The following UTRN variants were observed in gnomAD, a reference collection of about 807,000 sequenced individuals.
UTRN encodes utrophin, also known as dystrophin-related protein 1.
UTRN carries 283 observed loss-of-function variants against 463.9 expected under a neutral mutation model. The observed-to-expected ratio is 0.61, with a 90% CI of 0.55 to 0.67. The LOEUF (loss-of-function observed/expected upper bound fraction) is 0.67. UTRN is among the 30% of genes least tolerant of loss of function. The probability of loss-of-function intolerance (pLI) is 0.00; values close to 1 mark genes in which losing one functional copy is unlikely to be tolerated. For synonymous variants in UTRN, 1,442 were observed against 1,431.5 expected (o/e 1.01, Z -0.17); for missense variants, 3,922 against 4,084.3 (o/e 0.96, Z 1.08).
At chr6:144,633,786 A>G (rs559427995) in intron 51 of UTRN, among the ~76,000 whole-genome samples, 40 of 152,326 alleles carry the variant, frequency 2.6e-4, no homozygotes, top group African/African-American at 9.1e-4. Context: ...TCCCTTCGGT[A>G]TGATAAATTC....
intron 3 of UTRN, among the ~76,000 whole-genome samples, chr6:144,414,956 C>T (rs924001455): frequency 4.2e-4 from 64 of 152,288 alleles, no homozygotes; most frequent in African/African-American, 1.5e-3. Context: ...TCAGGTGATC[C>T]ACCCGCCTTG....
chr6:144,757,188 T>C (rs1272625839), intron 57 of UTRN, among the ~76,000 whole-genome samples: 1 of 149,862 alleles, frequency 6.7e-6, no homozygotes, highest in African/African-American at 2.5e-5. Context: ...AATAATTGGT[T>C]AATGTAGGAA....
At chr6:144,790,937 C>T (rs375781335) in intron 62 of UTRN, among the ~76,000 whole-genome samples, 4 of 152,174 alleles carry the variant, frequency 2.6e-5, no homozygotes, top group African/African-American at 9.6e-5. Flanking sequence ...TCAACATTAA[C>T]TTTCAGATTT....
At chr6:144,587,349 C>G (rs907204099) in intron 51 of UTRN, among the ~76,000 whole-genome samples, 2 of 152,044 alleles carry the variant, frequency 1.3e-5, no homozygotes, top group Non-Finnish European at 2.9e-5. Flanking sequence ...CACGATTGAC[C>G]AGTGATGTCT....
intron 2 of UTRN, among the ~76,000 whole-genome samples, chr6:144,387,684 A>G (rs550354715): frequency 5.9e-5 from 9 of 152,322 alleles, no homozygotes; most frequent in Admixed American, 2.0e-4. Flanking sequence ...AAATAAAGCA[A>G]TGTAAACCGG....
chr6:144,610,221 A>T (rs1369877975), intron 51 of UTRN, among the ~76,000 whole-genome samples: 1 of 151,980 alleles, frequency 6.6e-6, no homozygotes, highest in Non-Finnish European at 1.5e-5. Context: ...CAAAGAAGTA[A>T]ATATCAGAAA....
chr6:144,414,758 C>T lies in UTRN; in HGVS notation c.142-7120C>T, dbSNP rs1458243157. On this transcript the variant is annotated intron_variant, in intron 3 of 74. Coordinates refer to ENST00000367545, the MANE Select transcript of UTRN (RefSeq NM_007124.3). ...TGAGACAGCGTATCTCTCTGTTGCC[C>T]AGGCTGGAGTGCAGTGGCGCAGTCT... is the stretch of plus-strand genomic sequence containing the variant. Among the ~76,000 whole-genome samples, 4 of 151,688 alleles carry T rather than the reference C, an allele frequency of 2.6e-5. No individual in the cohort carries two copies. In the East Asian group the frequency reaches 5.8e-4, roughly 22 times the overall value.
At chr6:144,479,694 T>G in intron 25 of UTRN, 118 bp from the exon 26 acceptor site, 1 of 1,208,674 alleles carries the variant, frequency 8.3e-7, no homozygotes, top group Middle Eastern at 2.0e-4. Context: ...TATCTGAATT[T>G]TAAAGCATGC....
chr6:144,838,572 T>C (rs887193215), intron 71 of UTRN, among the ~76,000 whole-genome samples: 2 of 152,350 alleles, frequency 1.3e-5, no homozygotes, highest in East Asian at 3.9e-4. Flanking sequence ...ATTTACTAAG[T>C]GTCAGGCTGT....
chr6:144,828,665 A>C, intron 68 of UTRN, 125 bp from the exon 69 acceptor site: 2 of 920,616 alleles, frequency 2.2e-6, no homozygotes, highest in South Asian at 1.5e-5. Flanking sequence ...CAGTCGTGTT[A>C]GGAGATTTGG....
rs2128613733 is a variant in UTRN, at chr6:144,554,831, C to T, written c.7072C>T (p.Arg2358Ter). ...TEELMRKYEARLYILQQARRD... is the reference protein window; with the variant it reads ...TEELMRKYEA ...AGAACTGATGAGAAAATATGAGGCT[C>T]GACTCTATATTCTTCAGCAAGCCCG... is the stretch of plus-strand genomic sequence containing the variant. The change falls in exon 49 of 75, where the codon CGA becomes TGA. Residue 2358 changes from arginine to a stop codon, truncating the protein, a stop_gained. Transcript: ENST00000367545. LOFTEE classifies it high-confidence loss of function. 1 of 1,613,914 alleles carries T rather than the reference C, an allele frequency of 6.2e-7. No homozygotes were observed. Among genetic ancestry groups the T allele is most frequent in the Non-Finnish European group, 8.5e-7 (1 of 1,179,954 alleles).
chr6:144,487,848 A>C (rs1360388594), intron 29 of UTRN, 151 bp downstream of exon 29: 5 of 655,924 alleles, frequency 7.6e-6, no homozygotes, highest in Non-Finnish European at 9.6e-6. Flanking sequence ...AGGGTATTGA[A>C]ATATTCAGAA....
chr6:144,323,611 G>C (rs7758820), intron 2 of UTRN, among the ~76,000 whole-genome samples: 1 of 152,094 alleles, frequency 6.6e-6, no homozygotes, highest in South Asian at 2.1e-4. Flanking sequence ...AAACATTAAG[G>C]TTTAAAGAAA....
chr6:144,340,048 TC>T (rs1777027196), intron 2 of UTRN, among the ~76,000 whole-genome samples: 1 of 152,112 alleles, frequency 6.6e-6, no homozygotes, highest in Admixed American at 6.6e-5. Flanking sequence ...CCACCCATAA[TC>T]CCAGCTACTC....
chr6:144,439,541 G>A (rs1409473898), intron 12 of UTRN, among the ~76,000 whole-genome samples: 1 of 151,880 alleles, frequency 6.6e-6, no homozygotes, highest in Non-Finnish European at 1.5e-5. Flanking sequence ...CACCCAGGCT[G>A]GAGGGCAATG....
intron 50 of UTRN, among the ~76,000 whole-genome samples, chr6:144,574,975 C>G (rs1399174284): frequency 2.0e-5 from 3 of 152,052 alleles, no homozygotes; most frequent in Admixed American, 6.6e-5. Flanking sequence ...AAAAAACTGC[C>G]AGCTGTTTTT....
At chr6:144,447,965 CTATAA>C (rs1562414468) in intron 16 of UTRN, among the ~76,000 whole-genome samples, 184 bp downstream of exon 16, 1 of 152,018 alleles carries the variant, frequency 6.6e-6, no homozygotes, top group Non-Finnish European at 1.5e-5. Flanking sequence ...TCTTAATATC[CTATAA>C]TTTAATTTAT....
intron 54 of UTRN, among the ~76,000 whole-genome samples, chr6:144,732,053 G>C (rs1788592837): frequency 6.6e-6 from 1 of 151,634 alleles, no homozygotes; most frequent in Admixed American, 6.6e-5. Context: ...GTAGAGACGA[G>C]GTTTTGCCAT....
At chr6:144,457,654 T>C (rs1788995598) in intron 19 of UTRN, among the ~76,000 whole-genome samples, 1 of 152,240 alleles carries the variant, frequency 6.6e-6, no homozygotes, top group African/African-American at 2.4e-5. Context: ...AGTGAACTTC[T>C]GCAATTGACA....
Sources: gnomAD v4.1 joint callset for allele counts (sites outside exome capture counted in the v4.1 genomes callset) on GRCh38, gnomAD v4.1.1 for gene constraint, MANE v1.5 for transcripts, NCBI Gene and HGNC (gene_info 2026-07-23, HGNC 2026-07-21) for gene names.